The following EFHC2 variants were observed in gnomAD, a reference collection of about 807,000 sequenced individuals.
EFHC2 encodes the protein EF-hand domain containing 2, also known as EF-hand domain-containing family member C2.
In EFHC2, 18 loss-of-function variants were observed where a neutral mutation model predicts 52.7. The observed-to-expected ratio is 0.34, with a 90% CI of 0.24 to 0.51. The LOEUF is 0.51. Among genes scored for constraint, EFHC2 ranks in the 20% least tolerant of loss-of-function variants. The probability of loss-of-function intolerance (pLI) is 0.97; values close to 1 mark genes in which losing one functional copy is unlikely to be tolerated. For synonymous variants in EFHC2, 203 were observed against 204.1 expected (o/e 0.99, Z 0.04); for missense variants, 513 against 562.5 (o/e 0.91, Z 0.89).
At chrX:44,342,565 C>T (rs1355330283) in intron 1 of EFHC2, among the ~76,000 whole-genome samples, 2 of 111,274 alleles carry the variant, frequency 1.8e-5, no homozygotes, top group African/African-American at 6.5e-5. Context: ...TTGTTCTGTA[C>T]GTTCATCTTC....
At chrX:44,301,297 T>C (rs1478520473) in intron 2 of EFHC2, among the ~76,000 whole-genome samples, 1 of 107,893 alleles carries the variant, frequency 9.3e-6, no homozygotes, top group Non-Finnish European at 1.9e-5. Flanking sequence ...ACCTGACCAA[T>C]CAGCACTCCC....
chrX:44,156,580 T>C (rs1254209771), intron 14 of EFHC2, among the ~76,000 whole-genome samples: 2 of 111,961 alleles, frequency 1.8e-5, no homozygotes, highest in Non-Finnish European at 3.8e-5. Context: ...TACTTCCTGA[T>C]GCCAAGGCCG....
chrX:44,272,571 A>G, intron 3 of EFHC2, 115 bp downstream of exon 3: 1 of 741,461 alleles, frequency 1.3e-6, no homozygotes, highest in Non-Finnish European at 1.9e-6. Flanking sequence ...CACCACTGCC[A>G]GCAGGTTAGA....
chrX:44,237,397 G>A (rs1412308579), intron 8 of EFHC2, among the ~76,000 whole-genome samples: 1 of 111,540 alleles, frequency 9.0e-6, no homozygotes, highest in Non-Finnish European at 1.9e-5. Flanking sequence ...CAATTGTAAG[G>A]CCACACCCAA....
intron 11 of EFHC2, among the ~76,000 whole-genome samples, chrX:44,199,464 G>A (rs2036990755): frequency 8.9e-6 from 1 of 112,074 alleles, no homozygotes. Context: ...CATGTTCCAA[G>A]GCAATTAATT....
At chrX:44,203,160 G>A (rs778748360) in intron 11 of EFHC2, among the ~76,000 whole-genome samples, 3 of 111,881 alleles carry the variant, frequency 2.7e-5, no homozygotes, top group South Asian at 3.7e-4. Flanking sequence ...CTGAAAGAAA[G>A]CACTTTTCAT....
chrX:44,195,364 C>T (rs73481079), intron 11 of EFHC2, among the ~76,000 whole-genome samples: 7,103 of 111,676 alleles, frequency 0.064, 246 homozygotes, highest in Admixed American at 0.13. Flanking sequence ...CTCAGATCAA[C>T]GAACCCTCAG....
At chrX:44,245,649 C>T (rs2037394557) in intron 7 of EFHC2, among the ~76,000 whole-genome samples, 1 of 112,246 alleles carries the variant, frequency 8.9e-6, no homozygotes, top group Middle Eastern at 4.7e-3. Flanking sequence ...TATGGAATCA[C>T]CTTCTCCTTA....
chrX:44,216,081 C>T (rs958787753), intron 11 of EFHC2, among the ~76,000 whole-genome samples: 1 of 112,273 alleles, frequency 8.9e-6, no homozygotes, highest in African/African-American at 3.2e-5. Context: ...AAATTAAATA[C>T]TTCGTGTGAA....
intron 4 of EFHC2, among the ~76,000 whole-genome samples, chrX:44,258,810 C>T (rs2037513889): frequency 1.8e-5 from 2 of 108,448 alleles, no homozygotes; most frequent in South Asian, 4.1e-4. Context: ...GAGCCAAGAT[C>T]GCGCCACTGC....
At chrX:44,160,797 C>G (rs1011547445) in intron 14 of EFHC2, among the ~76,000 whole-genome samples, 4 of 110,674 alleles carry the variant, frequency 3.6e-5, no homozygotes, top group Non-Finnish European at 7.6e-5. Context: ...TGGCGTGTGC[C>G]TATAGTCCCA....
intron 2 of EFHC2, among the ~76,000 whole-genome samples, chrX:44,304,529 T>C (rs1377111819): frequency 9.0e-6 from 1 of 111,660 alleles, no homozygotes; most frequent in African/African-American, 3.3e-5. Context: ...TTCCTACTCA[T>C]GGAGGTACTG....
chrX:44,301,451 A>C (rs2037868679), intron 2 of EFHC2, among the ~76,000 whole-genome samples: 2 of 111,998 alleles, frequency 1.8e-5, no homozygotes, highest in South Asian at 7.4e-4. Flanking sequence ...CTCTATTACA[A>C]TTCCCCTATC....
intron 1 of EFHC2, among the ~76,000 whole-genome samples, chrX:44,320,038 G>A (rs1390480038): frequency 1.8e-5 from 2 of 111,712 alleles, no homozygotes; most frequent in African/African-American, 6.5e-5. Context: ...TGCCTCCTGG[G>A]TTCAAGCAAT....
intron 11 of EFHC2, among the ~76,000 whole-genome samples, chrX:44,179,011 G>A (rs1386673897): frequency 9.1e-6 from 1 of 110,431 alleles, no homozygotes; most frequent in Non-Finnish European, 1.9e-5. Flanking sequence ...GATGGGGAAA[G>A]CAATCATGCA....
At chrX:44,253,420 G>A (rs1252204585) in intron 4 of EFHC2, among the ~76,000 whole-genome samples, 1 of 111,121 alleles carries the variant, frequency 9.0e-6, no homozygotes, top group Non-Finnish European at 1.9e-5. Flanking sequence ...GATCTGGGAC[G>A]CTGGAGCTTG....
chrX:44,342,930 C>T (rs1274063254), intron 1 of EFHC2, among the ~76,000 whole-genome samples: 1 of 106,923 alleles, frequency 9.4e-6, no homozygotes, highest in Non-Finnish European at 1.9e-5. Context: ...AAAAAAAAAT[C>T]CCTCCAAGTT....
intron 14 of EFHC2, among the ~76,000 whole-genome samples, chrX:44,158,841 C>A (rs1045948532): frequency 9.8e-5 from 11 of 111,921 alleles, no homozygotes; most frequent in African/African-American, 3.6e-4. Flanking sequence ...ATACCAAGAA[C>A]AGTCAACAGG....
At chrX:44,292,310 T>G (rs1370772767) in intron 2 of EFHC2, among the ~76,000 whole-genome samples, 1 of 111,318 alleles carries the variant, frequency 9.0e-6, no homozygotes. Context: ...TTTTTCAGAT[T>G]TTGGGATATT....
Sources: allele counts gnomAD v4.1 joint callset (sites outside exome capture counted in the v4.1 genomes callset), GRCh38; gene constraint gnomAD v4.1.1; transcripts MANE v1.5; gene names NCBI Gene and HGNC (gene_info 2026-07-23, HGNC 2026-07-21).